The following EVC2 variants were observed in gnomAD, a reference collection of about 807,000 sequenced individuals.
EVC2 encodes the protein limbin.
Under a neutral mutation model 149.3 loss-of-function variants are expected in EVC2, and 148 were observed. The ratio of observed to expected loss-of-function variants is 0.99; its 90% CI spans 0.87 to 1.14. The LOEUF is 1.14. Ranked by LOEUF, EVC2 falls within the 50% of genes most tolerant of loss-of-function variation. EVC2 has a pLI of 0.00. For synonymous variants in EVC2, 776 were observed against 649.9 expected (o/e 1.19, Z -2.95); for missense variants, 1,854 against 1,627.3 (o/e 1.14, Z -2.40).
At chr4:5,536,167 T>C in the EVC2 span, among the ~76,000 whole-genome samples, 7 of 152,116 alleles carry the variant, frequency 4.6e-5, no homozygotes, top group African/African-American at 1.7e-4. Context: ...ATTTTAAACA[T>C]AGACCCATGC....
At chr4:5,540,393 TTTA>T (rs1253048128), downstream of EVC2, among the ~76,000 whole-genome samples, 8 of 152,338 alleles carry the variant, frequency 5.3e-5, no homozygotes, top group African/African-American at 1.9e-4. Flanking sequence ...TTGCAGCAGG[TTTA>T]TTTGTAATGG....
Position 5,689,313 on chromosome 4 carries a change from G to C in EVC2, c.550C>G (p.Arg184Gly). Residue 184 changes from arginine to glycine, a missense_variant, in exon 5 of 22, where the codon CGC (arginine) becomes GGC (glycine). Arg to Gly is a moderately radical substitution (Grantham distance 125). Coordinates refer to ENST00000344408, the MANE Select transcript of EVC2 (RefSeq NM_147127.5). ...GTGTTGTTAACAAGCAGCCATATGC[G>C]GGCTGTCTGTGCTTCACTCGACCCA... The part of the protein sequence containing the change: ...VSGSSEAQTA[R>G]IWLLVNNTKT... 1 of 1,614,104 alleles carries C rather than the reference G, an allele frequency of 6.2e-7. No homozygotes were observed.
chr4:5,561,826 G>A (rs1721971445), downstream of EVC2, among the ~76,000 whole-genome samples: 1 of 152,158 alleles, frequency 6.6e-6, no homozygotes. Flanking sequence ...TGTTGGAAGG[G>A]TCTAGCAGCA....
At chr4:5,651,381 T>C (rs1718136995) in intron 9 of EVC2, among the ~76,000 whole-genome samples, 1 of 151,036 alleles carries the variant, frequency 6.6e-6, no homozygotes, top group Non-Finnish European at 1.5e-5. Flanking sequence ...AAAGAATGGG[T>C]GGGTGAAAAA....
intron 16 of EVC2, among the ~76,000 whole-genome samples, chr4:5,585,579 G>GT (rs956390480): frequency 2.0e-5 from 3 of 152,010 alleles, no homozygotes; most frequent in South Asian, 2.1e-4. Context: ...AGTTTAGTTT[G>GT]TTTTTTTAAC....
At chr4:5,579,160 A>AG (rs887971267) in intron 17 of EVC2, among the ~76,000 whole-genome samples, 1 of 152,078 alleles carries the variant, frequency 6.6e-6, no homozygotes, top group Non-Finnish European at 1.5e-5. Context: ...GCCACCGTGC[A>AG]GGGGGGTAAC....
chr4:5,596,701 G>A (rs1003878524), intron 16 of EVC2, among the ~76,000 whole-genome samples: 1 of 151,996 alleles, frequency 6.6e-6, no homozygotes. Context: ...CTAGCAGAAG[G>A]CAAGAAGTAA....
chr4:5,531,539 C>T, the EVC2 span, among the ~76,000 whole-genome samples: 1 of 152,128 alleles, frequency 6.6e-6, no homozygotes, highest in Non-Finnish European at 1.5e-5. Flanking sequence ...TGCTTGCTCG[C>T]ATTACTGTGT....
chr4:5,691,800 C>A (rs1249158090), intron 3 of EVC2, among the ~76,000 whole-genome samples: 1 of 152,186 alleles, frequency 6.6e-6, no homozygotes, highest in Non-Finnish European at 1.5e-5. Context: ...GGAATCCCCC[C>A]ACCAATGCTT....
chr4:5,655,315 G>A lies in EVC2; in HGVS notation c.1145+7792C>T, dbSNP rs550469953. Among the ~76,000 whole-genome samples, 16 of 152,278 alleles carry A rather than the reference G, an allele frequency of 1.1e-4. No individual in the cohort carries two copies. The South Asian group carries it at 2.7e-3, about 26-fold the overall frequency. The stretch of plus-strand genomic sequence containing the variant: ...CTCCTGCCAGCCATCTGGTGCTCCA[G>A]GTGAACTCTGATACTGATCCTTCCA... On this transcript the variant is annotated intron_variant, in intron 9 of 21. Coordinates refer to ENST00000344408, the MANE Select transcript of EVC2 (RefSeq NM_147127.5).
At position 5,628,627 on chromosome 4, in the gene EVC2, C is replaced by G; in HGVS notation, c.1818G>C (p.Glu606Asp). 1 of 1,613,952 alleles carries G rather than the reference C, an allele frequency of 6.2e-7. No individual in the cohort carries two copies. The highest frequency in any genetic ancestry group is 8.5e-7 in the Non-Finnish European group (1 of 1,179,986). The change falls in exon 12 of 22, where the codon GAG becomes GAC. Residue 606 changes from glutamate (E) to aspartate (D), a missense_variant. Physicochemically the swap from Glu to Asp is conservative, Grantham distance 45 (BLOSUM62 2). Coordinates refer to ENST00000344408, the MANE Select transcript of EVC2 (RefSeq NM_147127.5). ...TGCTCAGAAGGCCCTGCACACGGGT[C>G]TCTGATGACTGGAGGTTCTGGACCA... ...EYLVQNLQSS[E>D]TRVQGLLSTA...
chr4:5,570,767 G>A (rs1161509069), intron 19 of EVC2, among the ~76,000 whole-genome samples: 1 of 152,050 alleles, frequency 6.6e-6, no homozygotes, highest in Admixed American at 6.6e-5. Flanking sequence ...ACCAACAAGT[G>A]AATAAAGAAA....
At chr4:5,685,537 C>T (rs953327164) in intron 5 of EVC2, 58 bp from the exon 6 acceptor site, 8 of 1,358,742 alleles carry the variant, frequency 5.9e-6, no homozygotes, top group Non-Finnish European at 7.3e-6. Context: ...CCCGGCTGCA[C>T]CCCACCACAC....
intron 7 of EVC2, among the ~76,000 whole-genome samples, chr4:5,668,870 T>C (rs546435587): frequency 1.8e-4 from 27 of 152,308 alleles, no homozygotes; most frequent in Non-Finnish European, 3.7e-4. Flanking sequence ...CTAACCCCAA[T>C]ACCTATGAAT....
intron 9 of EVC2, among the ~76,000 whole-genome samples, chr4:5,654,750 C>T (rs1192125928): frequency 6.6e-6 from 1 of 152,226 alleles, no homozygotes; most frequent in Non-Finnish European, 1.5e-5. Context: ...CACTTCCAGG[C>T]CGCTGAAGGA....
chr4:5,629,869 G>C lies in EVC2; in HGVS notation c.1711-1135C>G, dbSNP rs73198171. On this transcript the variant is annotated intron_variant, in intron 11 of 21. Transcript: ENST00000344408. Reference sequence around the variant, plus strand: ...CATGTTGTAAGGAAATTCAGAATTGGTATCCTTAAATACTCTCATAGCTCT... The same window carrying C: ...CATGTTGTAAGGAAATTCAGAATTGCTATCCTTAAATACTCTCATAGCTCT... 3.8e-3 allele frequency among the ~76,000 whole-genome samples: 575 copies of C among 152,304 alleles called. 3 individuals carry two copies. The highest frequency in any genetic ancestry group is 6.7e-3 in the Non-Finnish European group (454 of 68,022).
At chr4:5,534,971 G>C in the EVC2 span, among the ~76,000 whole-genome samples, 4 of 151,952 alleles carry the variant, frequency 2.6e-5, no homozygotes, top group South Asian at 6.2e-4. Flanking sequence ...CTTTTTGTCA[G>C]CTGTGAAGAA....
At chr4:5,533,560 T>C in the EVC2 span, among the ~76,000 whole-genome samples, 1 of 152,186 alleles carries the variant, frequency 6.6e-6, no homozygotes, top group African/African-American at 2.4e-5. Context: ...GTTTCCATGT[T>C]CCAAGGACTG....
At chr4:5,565,138 A>T in intron 21 of EVC2, 120 bp downstream of exon 21, 1 of 925,678 alleles carries the variant, frequency 1.1e-6, no homozygotes. Flanking sequence ...CTTCAGGGTC[A>T]CAAATCTTTG....
Sources: allele counts gnomAD v4.1 joint callset (sites outside exome capture counted in the v4.1 genomes callset), GRCh38; gene constraint gnomAD v4.1.1; transcripts MANE v1.5; gene names NCBI Gene and HGNC (gene_info 2026-07-23, HGNC 2026-07-21).